LAMA2: variants seen among roughly 807,000 people sequenced by gnomAD.
LAMA2 encodes laminin subunit alpha 2, also known as laminin subunit alpha-2.
Under a neutral mutation model 364.8 loss-of-function variants are expected in LAMA2, and 269 were observed. The ratio of observed to expected loss-of-function variants is 0.74; its 90% CI spans 0.67 to 0.82. The LOEUF (loss-of-function observed/expected upper bound fraction) is 0.82, where lower values mean the gene tolerates loss of function less well. Ranked by LOEUF, LAMA2 falls within the 40% of genes least tolerant of loss-of-function variation. The pLI is 0.00. For synonymous variants in LAMA2, 1,379 were observed against 1,370.6 expected, an observed-to-expected ratio of 1.01 and a Z score of -0.14; for missense variants, 3,807 against 3,873.2, an observed-to-expected ratio of 0.98 and a Z score of 0.45.
At chr6:129,331,579 C>G (rs1270995730) in intron 29 of LAMA2, among the ~76,000 whole-genome samples, 1 of 152,006 alleles carries the variant, frequency 6.6e-6, no homozygotes, top group Non-Finnish European at 1.5e-5. Context: ...CATCTTCCCC[C>G]TATGTTCTCA....
At chr6:128,900,194 T>C (rs1777001170) in intron 1 of LAMA2, among the ~76,000 whole-genome samples, 1 of 152,186 alleles carries the variant, frequency 6.6e-6, no homozygotes. Context: ...ATCAAACATC[T>C]GGAGGTCAAG....
At chr6:129,462,837 G>A (rs973821891) in intron 49 of LAMA2, among the ~76,000 whole-genome samples, 2 of 151,982 alleles carry the variant, frequency 1.3e-5, no homozygotes, top group Non-Finnish European at 2.9e-5. Flanking sequence ...AAGAGCAGGA[G>A]TGATTTCATG....
chr6:129,433,735 G>A (rs532015139), intron 41 of LAMA2, among the ~76,000 whole-genome samples: 6 of 152,066 alleles, frequency 3.9e-5, no homozygotes, highest in East Asian at 3.9e-4. Context: ...ATATAAAAAC[G>A]AAATAAACTT....
intron 14 of LAMA2, among the ~76,000 whole-genome samples, chr6:129,260,476 A>G (rs1162072329): frequency 6.6e-6 from 1 of 152,096 alleles, no homozygotes; most frequent in East Asian, 1.9e-4. Flanking sequence ...ACGAGGAAGA[A>G]CATTCTCATA....
intron 1 of LAMA2, among the ~76,000 whole-genome samples, chr6:129,047,547 G>C (rs993004897): frequency 6.6e-6 from 1 of 151,992 alleles, no homozygotes; most frequent in African/African-American, 2.4e-5. Flanking sequence ...CAGGATTAAG[G>C]GATTTTTAAA....
intron 4 of LAMA2, among the ~76,000 whole-genome samples, chr6:129,104,632 A>G (rs78632096): frequency 1.3e-5 from 2 of 152,170 alleles, no homozygotes; most frequent in African/African-American, 4.8e-5. Flanking sequence ...CCCTATGTTC[A>G]TATCATCACT....
At chr6:129,037,756 GCCTCC>G (rs1437838677) in intron 1 of LAMA2, among the ~76,000 whole-genome samples, 1 of 149,558 alleles carries the variant, frequency 6.7e-6, no homozygotes, top group Non-Finnish European at 1.5e-5. Flanking sequence ...TGCAAGCTCC[GCCTCC>G]CAGGTTCACG....
intron 28 of LAMA2, among the ~76,000 whole-genome samples, chr6:129,322,617 T>G (rs1775037130): frequency 6.6e-6 from 1 of 152,220 alleles, no homozygotes; most frequent in Non-Finnish European, 1.5e-5. Flanking sequence ...TGCAATATTA[T>G]TTTGCTATAG....
intron 1 of LAMA2, among the ~76,000 whole-genome samples, chr6:128,983,838 G>A (rs953764261): frequency 1.3e-5 from 2 of 152,188 alleles, no homozygotes; most frequent in Non-Finnish European, 2.9e-5. Flanking sequence ...CCTGAAATGA[G>A]TGGAGGGAGT....
chr6:129,490,237 G>A (rs1256787939), intron 56 of LAMA2, among the ~76,000 whole-genome samples: 1 of 152,214 alleles, frequency 6.6e-6, no homozygotes, highest in Admixed American at 6.5e-5. Flanking sequence ...GCTGTTTGAA[G>A]TAGGTATTTT....
chr6:128,943,953 C>T (rs759127436), intron 1 of LAMA2, among the ~76,000 whole-genome samples: 2 of 152,138 alleles, frequency 1.3e-5, no homozygotes, highest in Non-Finnish European at 2.9e-5. Flanking sequence ...AGATTTTCAT[C>T]GGTTAGAGTG....
At chr6:129,040,106 G>A (rs6938812) in intron 1 of LAMA2, among the ~76,000 whole-genome samples, 22,783 of 152,042 alleles carry the variant, frequency 0.15, 1,906 homozygotes, top group African/African-American at 0.21. Flanking sequence ...GAAAAGTAAG[G>A]CATATTTGTT....
intron 9 of LAMA2, among the ~76,000 whole-genome samples, chr6:129,166,684 T>C (rs939852546): frequency 5.3e-5 from 8 of 152,260 alleles, no homozygotes; most frequent in Non-Finnish European, 8.8e-5. Flanking sequence ...TTTTGAGTAA[T>C]GAGTATATGA....
intron 47 of LAMA2, among the ~76,000 whole-genome samples, chr6:129,454,704 A>G (rs768986528): frequency 1.1e-4 from 17 of 152,204 alleles, no homozygotes; most frequent in Admixed American, 7.9e-4. Context: ...GCAGTTTCAA[A>G]ACACTGAAAT....
chr6:129,272,122 A>G lies in LAMA2; in HGVS notation c.2450+1371A>G, dbSNP rs1787980309. ...AGCAGACTACTATATTCTAGGCCAA[A>G]CACTGTATTTGGTATTATTTCACCT... On this transcript the variant is annotated intron_variant, in intron 17 of 64. Transcript: ENST00000421865. Among the ~76,000 whole-genome samples the G allele has an allele frequency of 2.0e-5, 3 of 152,298 alleles. No individual in the cohort carries two copies. The South Asian group carries it at 6.2e-4, about 32-fold the overall frequency.
intron 12 of LAMA2, among the ~76,000 whole-genome samples, chr6:129,226,396 C>A (rs186701271): frequency 1.3e-5 from 2 of 152,234 alleles, no homozygotes; most frequent in Admixed American, 1.3e-4. Flanking sequence ...GGTTATTTTG[C>A]TCGTTAGTTG....
At chr6:128,901,082 G>A (rs1198240112) in intron 1 of LAMA2, among the ~76,000 whole-genome samples, 8 of 152,198 alleles carry the variant, frequency 5.3e-5, no homozygotes, top group South Asian at 2.1e-4. Context: ...ACTTGAACCC[G>A]GGAGGTCGAG....
intron 1 of LAMA2, among the ~76,000 whole-genome samples, chr6:128,936,272 C>T (rs1388527769): frequency 6.6e-6 from 1 of 152,182 alleles, no homozygotes; most frequent in Non-Finnish European, 1.5e-5. Flanking sequence ...CTCAGAAAAG[C>T]TTTCAACTTT....
chr6:129,226,695 C>A (rs995166448), intron 12 of LAMA2, among the ~76,000 whole-genome samples: 2 of 152,076 alleles, frequency 1.3e-5, no homozygotes, highest in African/African-American at 4.8e-5. Context: ...TTCTGCCGAG[C>A]GATCTGCTGT....
Sources: gnomAD v4.1 joint callset for allele counts (sites outside exome capture counted in the v4.1 genomes callset) on GRCh38, gnomAD v4.1.1 for gene constraint, MANE v1.5 for transcripts, NCBI Gene and HGNC (gene_info 2026-07-23, HGNC 2026-07-21) for gene names.